RAB11FIP3: variants seen among roughly 807,000 people sequenced by gnomAD.
RAB11FIP3 encodes rab11 family-interacting protein 3.
RAB11FIP3 carries 17 observed loss-of-function variants against 77.8 expected under a neutral mutation model. The ratio of observed to expected loss-of-function variants is 0.22; its 90% CI spans 0.15 to 0.33. RAB11FIP3 has a LOEUF of 0.33. Ranked by LOEUF, RAB11FIP3 falls within the 10% of genes least tolerant of loss-of-function variation. RAB11FIP3 has a pLI of 1.00. For synonymous variants in RAB11FIP3, 437 were observed against 448.2 expected, an observed-to-expected ratio of 0.98 and a Z score of 0.31; for missense variants, 1,005 against 1,011.2, an observed-to-expected ratio of 0.99 and a Z score of 0.08.
intron 3 of RAB11FIP3, among the ~76,000 whole-genome samples, chr16:473,303 G>T (rs979925884): frequency 1.3e-5 from 2 of 152,114 alleles, no homozygotes; most frequent in Admixed American, 6.6e-5. Flanking sequence ...TTTAGATCCT[G>T]ATTTCTTTTT....
chr16:438,881 G>C (rs1000040992), intron 1 of RAB11FIP3, among the ~76,000 whole-genome samples: 2 of 152,116 alleles, frequency 1.3e-5, no homozygotes, highest in Non-Finnish European at 2.9e-5. Context: ...GCAGAGACGG[G>C]GTTTCACTAT....
intron 4 of RAB11FIP3, among the ~76,000 whole-genome samples, chr16:486,850 C>T (rs1047214222): frequency 6.6e-6 from 1 of 152,194 alleles, no homozygotes; most frequent in Non-Finnish European, 1.5e-5. Flanking sequence ...GCCTGCTGGC[C>T]GATGGACCAG....
intron 1 of RAB11FIP3, among the ~76,000 whole-genome samples, chr16:444,846 G>T (rs2055284139): frequency 6.6e-6 from 1 of 152,016 alleles, no homozygotes; most frequent in African/African-American, 2.4e-5. Flanking sequence ...CTGGTGCGGT[G>T]GCTCACGCCT....
chr16:488,097 C>T (rs921770322), intron 4 of RAB11FIP3, among the ~76,000 whole-genome samples: 5 of 152,128 alleles, frequency 3.3e-5, no homozygotes, highest in Non-Finnish European at 7.4e-5. Flanking sequence ...AAAATATATT[C>T]GGGCCAGGCG....
chr16:512,539 CTT>C (rs766027431), intron 9 of RAB11FIP3, among the ~76,000 whole-genome samples: 43 of 105,588 alleles, frequency 4.1e-4, no homozygotes, highest in African/African-American at 6.6e-4. Flanking sequence ...CGCGCCCGGC[CTT>C]TTTTTTTTTT....
intron 6 of RAB11FIP3, among the ~76,000 whole-genome samples, chr16:501,424 G>T (rs1250318161): frequency 6.8e-6 from 1 of 148,060 alleles, no homozygotes; most frequent in African/African-American, 2.5e-5. Context: ...CTGGGAGAGG[G>T]TCCCCCCATT....
intron 1 of RAB11FIP3, among the ~76,000 whole-genome samples, chr16:447,298 C>T (rs2055333021): frequency 6.6e-6 from 1 of 151,940 alleles, no homozygotes; most frequent in Non-Finnish European, 1.5e-5. Context: ...GAGTAAGACC[C>T]TGTCTCCAAA....
intron 4 of RAB11FIP3, among the ~76,000 whole-genome samples, chr16:487,690 G>A (rs963216302): frequency 6.6e-6 from 1 of 152,122 alleles, no homozygotes; most frequent in Non-Finnish European, 1.5e-5. Context: ...CCTGCGGGAG[G>A]GTGGGAGTGG....
rs2054930706 is a variant in RAB11FIP3, at chr16:425,934, C to T, written c.-73C>T. 3.2e-6 allele frequency: 2 copies of T among 623,850 alleles called. No individual in the cohort carries two copies. Among genetic ancestry groups the T allele is most frequent in the Non-Finnish European group, 4.0e-6 (2 of 500,944 alleles). 38.6% of individuals were successfully genotyped at this position (623,850 alleles called of 1,614,324 possible). On this transcript the variant is annotated 5_prime_UTR_variant, in exon 1 of 14. Transcript: ENST00000262305. ...CCGCCCGCGCCGCCGAGGGGATGCCCGCGCCCGCCGCCGCGCCCTGAGCGC... is the reference window on the plus strand; with the variant it reads ...CCGCCCGCGCCGCCGAGGGGATGCCTGCGCCCGCCGCCGCGCCCTGAGCGC...
intron 8 of RAB11FIP3, among the ~76,000 whole-genome samples, chr16:510,106 GTCCCCGT>G (rs1567405733): frequency 9.6e-5 from 14 of 145,308 alleles, no homozygotes; most frequent in African/African-American, 2.4e-4. Context: ...CCCGTCCCGA[GTCCCCGT>G]GCCTCTGGGC....
In RAB11FIP3 at chr16:520,194, C is replaced by G; in HGVS notation, c.1933C>G (p.Arg645Gly). The change falls in exon 12 of 14, where the codon CGC becomes GGC. Residue 645 changes from arginine to glycine, a missense_variant. Physicochemically the swap from Arg to Gly is moderately radical, Grantham distance 125. This residue lies in a region of RAB11FIP3 where 433 missense variants were observed against 436.1 expected (regional missense o/e 0.99). Transcript: ENST00000262305. ...GCTGGAGGCCGAGCAGCGGCGGGGCCGCAGCAGCAGCATGGGCCTGCAGGA... is the reference window on the plus strand; with the variant it reads ...GCTGGAGGCCGAGCAGCGGCGGGGCGGCAGCAGCAGCATGGGCCTGCAGGA... ...LKLEAEQRRG[R>G]SSSMGLQEYH... is the part of the protein sequence containing the mutation. The G allele has an allele frequency of 3.2e-6, 5 of 1,545,416 alleles. No homozygotes were observed. Among genetic ancestry groups the G allele is most frequent in the Non-Finnish European group, 3.5e-6 (4 of 1,147,660 alleles).
rs1368644198 is a variant in RAB11FIP3 at position 521,565 on chromosome 16, T to G, written c.*726T>G. ...GCCCAGTCCTCGCTGCAGTAACCCC[T>G]GGGGGCTCTGACCACCTATGGGGGC... On this transcript the variant is annotated 3_prime_UTR_variant, in exon 14 of 14. Transcript: ENST00000262305. 6.6e-6 allele frequency: 1 copy of G among 152,556 alleles called. No individual in the cohort carries two copies. Among genetic ancestry groups the G allele is most frequent in the African/African-American group, 2.4e-5 (1 of 41,452 alleles). The allele number at this position is 152,556 out of a possible 1,614,324, so 9.5% of individuals were successfully genotyped here. A position where few individuals can be genotyped will look rare whatever the true frequency, so the allele number is the denominator to read the frequency against.
chr16:495,204 T>A (rs1165235013), intron 5 of RAB11FIP3, among the ~76,000 whole-genome samples: 2 of 151,990 alleles, frequency 1.3e-5, no homozygotes, highest in African/African-American at 4.8e-5. Context: ...GAGGCACTGG[T>A]TGGGATGAGT....
At chr16:497,318 C>T (rs1243151770) in intron 6 of RAB11FIP3, 1 of 1,304,194 alleles carries the variant, frequency 7.7e-7, no homozygotes, top group Non-Finnish European at 1.0e-6. Context: ...TGGCTTCCTG[C>T]TGTGAAAGAT....
At chr16:446,188 G>C (rs1248806494) in intron 1 of RAB11FIP3, among the ~76,000 whole-genome samples, 1 of 152,092 alleles carries the variant, frequency 6.6e-6, no homozygotes, top group Non-Finnish European at 1.5e-5. Context: ...AAGCTGCAGT[G>C]AGCCATGATC....
At chr16:508,152 C>G (rs893879368) in intron 8 of RAB11FIP3, among the ~76,000 whole-genome samples, 3 of 152,222 alleles carry the variant, frequency 2.0e-5, no homozygotes, top group African/African-American at 7.2e-5. Context: ...TCCCACCCTG[C>G]TCCAGTCCAT....
chr16:474,046 A>C (rs1413114396), intron 3 of RAB11FIP3, among the ~76,000 whole-genome samples: 2 of 152,188 alleles, frequency 1.3e-5, no homozygotes, highest in Non-Finnish European at 2.9e-5. Context: ...ATTTTCCACA[A>C]AGTGGAGTTC....
chr16:426,558 C>T lies in RAB11FIP3; in HGVS notation c.552C>T (p.Pro184=). ...LEQGPGSPPQ[P]SDLSQTHPLP... ...AAGGTCCCGGGTCCCCGCCGCAGCC[C>T]TCGGACCTCAGCCAGACCCACCCCC... The change falls in exon 1 of 14, where the codon CCC becomes CCT. Residue 184 remains proline, a synonymous_variant. Coordinates refer to ENST00000262305, the MANE Select transcript of RAB11FIP3 (RefSeq NM_014700.4). This position sits in a 1 kb window ranked among gnomAD's most constrained non-coding sequence, Gnocchi z 5.0. 1.3e-6 allele frequency: 2 copies of T among 1,587,242 alleles called. No individual in the cohort carries two copies. The highest frequency in any genetic ancestry group is 1.7e-6 in the Non-Finnish European group (2 of 1,168,812).
At chr16:510,859 C>G in intron 9 of RAB11FIP3, 59 bp downstream of exon 9, 1 of 1,565,244 alleles carries the variant, frequency 6.4e-7, no homozygotes, top group Non-Finnish European at 8.6e-7. Context: ...AGGAGACGGT[C>G]CCCAACAGCC....
Sources: gnomAD v4.1 joint callset for allele counts (sites outside exome capture counted in the v4.1 genomes callset) on GRCh38, gnomAD v4.1.1 for gene constraint, gnomAD v4.1.1 regional missense constraint, Gnocchi (gnomAD v3.1) non-coding constraint, MANE v1.5 for transcripts, NCBI Gene and HGNC (gene_info 2026-07-23, HGNC 2026-07-21) for gene names.